Variants in PHACTR3 observed in about 807,000 individuals in gnomAD.
PHACTR3 encodes protein phosphatase 1, regulatory subunit 123.
Under a neutral mutation model 66.8 loss-of-function variants are expected in PHACTR3, and 16 were observed. The observed-to-expected ratio is 0.24, with a 90% CI of 0.16 to 0.36. The LOEUF (loss-of-function observed/expected upper bound fraction) is 0.36. Among genes scored for constraint, PHACTR3 ranks in the 10% least tolerant of loss-of-function variants. The probability of loss-of-function intolerance (pLI) is 1.00; values close to 1 mark genes in which losing one functional copy is unlikely to be tolerated. For missense variants in PHACTR3, 647 were observed against 719.9 expected, an observed-to-expected ratio of 0.90 and a Z score of 1.16; for synonymous variants, 323 against 292.1, an observed-to-expected ratio of 1.11 and a Z score of -1.08.
intron 5 of PHACTR3, among the ~76,000 whole-genome samples, chr20:59,767,874 T>C (rs200526550): frequency 4.7e-4 from 71 of 152,174 alleles, no homozygotes; most frequent in Middle Eastern, 6.8e-3. Context: ...CATTCTGTTC[T>C]GTTCCATTCC....
In PHACTR3 at chr20:59,836,559, A is replaced by G. The variant is rs377281849; in HGVS notation, c.1383A>G (p.Lys461=). The change falls in exon 9 of 13, where the codon AAA becomes AAG. Residue 461 remains lysine, a splice_region_variant and synonymous_variant. Transcript: ENST00000371015. Reference sequence around the variant, plus strand: ...AGCTGGAGAGAAGAAATATCTTGAAACGTGAGTAGCTGGTGATTCCTCTAG... The same window carrying G: ...AGCTGGAGAGAAGAAATATCTTGAAGCGTGAGTAGCTGGTGATTCCTCTAG... ...VEELERRNIL[K]QRNDQTEQEE... is the part of the protein sequence containing the mutation. The G allele has an allele frequency of 1.1e-5, 18 of 1,610,312 alleles. No homozygotes were observed. The Admixed American group carries it at 2.4e-4, about 21-fold the overall frequency.
chr20:59,720,703 T>G (rs776989400), intron 1 of PHACTR3, among the ~76,000 whole-genome samples: 3 of 152,216 alleles, frequency 2.0e-5, no homozygotes, highest in Non-Finnish European at 4.4e-5. Flanking sequence ...CAGAATCCTC[T>G]TAAGAAGGAT....
In PHACTR3 at chr20:59,625,726, G is replaced by T. The variant is rs1236951140; in HGVS notation, c.118+20594G>T. Among the ~76,000 whole-genome samples, 4 of 152,254 alleles carry T rather than the reference G, an allele frequency of 2.6e-5. No individual in the cohort carries two copies. In the South Asian group the frequency reaches 6.2e-4, roughly 24 times the overall value. On this transcript the variant is annotated intron_variant, in intron 1 of 12. Coordinates refer to ENST00000371015, the MANE Select transcript of PHACTR3 (RefSeq NM_080672.5). ...ACATCCTCCCTGCGGAGGCATGCAG[G>T]CTTTTCCTCTGCATGCACCGTCTCT...
At chr20:59,757,422 G>A (rs1288285242) in intron 4 of PHACTR3, among the ~76,000 whole-genome samples, 1 of 152,238 alleles carries the variant, frequency 6.6e-6, no homozygotes, top group Non-Finnish European at 1.5e-5. Context: ...GCCTGAGGGA[G>A]GAGTGGGAAT....
intron 1 of PHACTR3, among the ~76,000 whole-genome samples, chr20:59,587,300 G>A (rs1298952289): frequency 6.6e-6 from 1 of 152,246 alleles, no homozygotes; most frequent in Non-Finnish European, 1.5e-5. Context: ...GGAGATGCAG[G>A]TTGCACAGAG....
At chr20:59,630,221 C>T (rs1363965212) in intron 1 of PHACTR3, among the ~76,000 whole-genome samples, 1 of 152,056 alleles carries the variant, frequency 6.6e-6, no homozygotes, top group East Asian at 1.9e-4. Context: ...CTCACTCTGT[C>T]CCCCAGGCTG....
chr20:59,720,079 G>A (rs1157249426), intron 1 of PHACTR3, among the ~76,000 whole-genome samples: 1 of 152,220 alleles, frequency 6.6e-6, no homozygotes, highest in African/African-American at 2.4e-5. Flanking sequence ...ACAGGGAACA[G>A]GCATCTGTGC....
intron 7 of PHACTR3, among the ~76,000 whole-genome samples, chr20:59,798,924 T>C (rs551212464): frequency 7.9e-4 from 120 of 152,254 alleles, no homozygotes; most frequent in Non-Finnish European, 1.1e-3. Flanking sequence ...ACCTTTCTTC[T>C]TTTTTAATAT....
chr20:59,632,690 T>C (rs2034710485), intron 1 of PHACTR3, among the ~76,000 whole-genome samples: 1 of 152,228 alleles, frequency 6.6e-6, no homozygotes. Context: ...TGATTGGGCT[T>C]CTGCCATTTC....
chr20:59,693,368 A>G (rs2037180531), intron 1 of PHACTR3, among the ~76,000 whole-genome samples: 1 of 152,032 alleles, frequency 6.6e-6, no homozygotes, highest in South Asian at 2.1e-4. Flanking sequence ...ATCATCACCT[A>G]CTTTTAGGGT....
chr20:59,831,998 G>A (rs2042398001), intron 8 of PHACTR3, among the ~76,000 whole-genome samples: 1 of 152,158 alleles, frequency 6.6e-6, no homozygotes, highest in Admixed American at 6.5e-5. Flanking sequence ...GCACACTGTG[G>A]GGCAGGGGTG....
chr20:59,581,197 C>T (rs948836639), intron 1 of PHACTR3, among the ~76,000 whole-genome samples: 8 of 152,250 alleles, frequency 5.3e-5, no homozygotes, highest in Non-Finnish European at 7.3e-5. Flanking sequence ...CAAAACCTGC[C>T]GTGCATTGCA....
chr20:59,651,827 TGGTA>T (rs3042679), intron 1 of PHACTR3, among the ~76,000 whole-genome samples: 85,870 of 147,514 alleles, frequency 0.58, 25,129 homozygotes, highest in Admixed American at 0.62. Context: ...AGGATCTTTT[TGGTA>T]GGTAGGTAGG....
intron 1 of PHACTR3, among the ~76,000 whole-genome samples, chr20:59,640,571 G>T (rs555766577): frequency 6.6e-6 from 1 of 152,290 alleles, no homozygotes; most frequent in East Asian, 1.9e-4. Context: ...GCACAGCCCT[G>T]CTCATTATGA....
chr20:59,756,463 C>G (rs1216319680), intron 4 of PHACTR3, among the ~76,000 whole-genome samples: 1 of 152,164 alleles, frequency 6.6e-6, no homozygotes, highest in African/African-American at 2.4e-5. Flanking sequence ...GCAGGCCGCC[C>G]GTCCACAACG....
chr20:59,752,762 G>A (rs866142211), intron 3 of PHACTR3, among the ~76,000 whole-genome samples: 16 of 152,318 alleles, frequency 1.1e-4, no homozygotes, highest in African/African-American at 3.6e-4. Context: ...AGTCATGGCA[G>A]CAAAAGACCT....
chr20:59,804,161 G>A (rs1182523), intron 7 of PHACTR3, among the ~76,000 whole-genome samples: 122,269 of 152,166 alleles, frequency 0.8, 50,940 homozygotes, highest in Non-Finnish European at 0.92. Flanking sequence ...AGTCAGATCT[G>A]TAAGTTTTTG....
chr20:59,618,915 C>G (rs2034132951), intron 1 of PHACTR3, among the ~76,000 whole-genome samples: 1 of 152,162 alleles, frequency 6.6e-6, no homozygotes, highest in Non-Finnish European at 1.5e-5. Flanking sequence ...GAGAGATTGC[C>G]TGGGGTGCCC....
intron 1 of PHACTR3, among the ~76,000 whole-genome samples, chr20:59,719,209 A>T (rs531585413): frequency 7.2e-5 from 11 of 152,222 alleles, no homozygotes; most frequent in African/African-American, 2.6e-4. Context: ...TCTGTCCACC[A>T]GACTGGAGTG....
Sources: allele counts gnomAD v4.1 joint callset (sites outside exome capture counted in the v4.1 genomes callset), GRCh38; gene constraint gnomAD v4.1.1; transcripts MANE v1.5; gene names NCBI Gene and HGNC (gene_info 2026-07-23, HGNC 2026-07-21).